PTPRD: variants seen among roughly 807,000 people sequenced by gnomAD.
PTPRD encodes receptor-type tyrosine-protein phosphatase delta.
In PTPRD, 34 loss-of-function variants were observed where a neutral mutation model predicts 214.5. The ratio of observed to expected loss-of-function variants is 0.16; its 90% CI spans 0.12 to 0.21. The LOEUF (loss-of-function observed/expected upper bound fraction) is 0.21. PTPRD is among the 10% of genes least tolerant of loss of function. PTPRD has a pLI of 1.00. For synonymous variants in PTPRD, 1,128 were observed against 845.7 expected (o/e 1.33, Z -5.79); for missense variants, 2,545 against 2,398.7 (o/e 1.06, Z -1.27).
intron 4 of PTPRD, among the ~76,000 whole-genome samples, chr9:9,947,625 AAATATATATTT>A (rs2092954675): frequency 1.4e-5 from 1 of 70,448 alleles, no homozygotes; most frequent in African/African-American, 5.6e-5. Flanking sequence ...TATATATTTT[AAATATATATTT>A]TATATATATA....
intron 8 of PTPRD, among the ~76,000 whole-genome samples, chr9:9,464,446 A>G (rs1347419282): frequency 6.6e-6 from 1 of 152,206 alleles, no homozygotes; most frequent in Non-Finnish European, 1.5e-5. Context: ...TAGAAACAAA[A>G]TTATCATTAA....
intron 8 of PTPRD, among the ~76,000 whole-genome samples, chr9:9,408,645 T>C (rs1465632129): frequency 4.6e-5 from 7 of 151,926 alleles, no homozygotes; most frequent in African/African-American, 7.2e-5. Context: ...AGAGGCATTA[T>C]ATTAAGGAAA....
At chr9:9,613,832 G>T (rs760206554) in intron 7 of PTPRD, among the ~76,000 whole-genome samples, 60 of 152,166 alleles carry the variant, frequency 3.9e-4, no homozygotes, top group Non-Finnish European at 6.9e-4. Flanking sequence ...CAGTGCTCTG[G>T]ATAACACTTC....
At chr9:8,436,508 A>T (rs2095355999) in intron 35 of PTPRD, 84 bp downstream of exon 35, 1 of 1,030,510 alleles carries the variant, frequency 9.7e-7, no homozygotes, top group South Asian at 1.4e-5. Context: ...AAAAGCACTG[A>T]TGAAGTTAAT....
At chr9:9,774,899 A>C (rs867128178) in intron 5 of PTPRD, among the ~76,000 whole-genome samples, 2 of 152,216 alleles carry the variant, frequency 1.3e-5, no homozygotes, top group Non-Finnish European at 2.9e-5. Context: ...CTGATCTTCA[A>C]AACAATCATA....
chr9:8,415,338 A>G (rs562099636), intron 35 of PTPRD, among the ~76,000 whole-genome samples: 1 of 152,222 alleles, frequency 6.6e-6, no homozygotes, highest in African/African-American at 2.4e-5. Context: ...AGGAATGTGC[A>G]GTACATAAGC....
intron 21 of PTPRD, among the ~76,000 whole-genome samples, chr9:8,516,520 C>A (rs1317270211): frequency 1.3e-5 from 2 of 151,908 alleles, no homozygotes; most frequent in Non-Finnish European, 2.9e-5. Flanking sequence ...CATATAAAGA[C>A]CATGCCATGA....
chr9:9,171,919 C>T (rs1182723492), intron 10 of PTPRD, among the ~76,000 whole-genome samples: 1 of 151,910 alleles, frequency 6.6e-6, no homozygotes, highest in Non-Finnish European at 1.5e-5. Flanking sequence ...CATTATTTAA[C>T]AAATATTATG....
intron 2 of PTPRD, among the ~76,000 whole-genome samples, chr9:10,377,374 T>C (rs925246491): frequency 6.6e-6 from 1 of 151,940 alleles, no homozygotes; most frequent in African/African-American, 2.4e-5. Context: ...ATGTGCCATG[T>C]TGGTGTGTTG....
chr9:8,647,533 A>C (rs928230224), intron 12 of PTPRD, among the ~76,000 whole-genome samples: 5 of 152,202 alleles, frequency 3.3e-5, no homozygotes, highest in African/African-American at 7.2e-5. Flanking sequence ...ATTTAAATTT[A>C]TTGTTAAACA....
At chr9:9,928,637 C>G (rs1387247920) in intron 5 of PTPRD, among the ~76,000 whole-genome samples, 4 of 151,926 alleles carry the variant, frequency 2.6e-5, no homozygotes, top group Non-Finnish European at 5.9e-5. Flanking sequence ...AGAATATTAA[C>G]TAATCTGAAT....
At chr9:10,339,379 AAAGT>A (rs1256207816) in intron 3 of PTPRD, among the ~76,000 whole-genome samples, 1 of 151,730 alleles carries the variant, frequency 6.6e-6, no homozygotes, top group African/African-American at 2.4e-5. Flanking sequence ...CTTCAAGAGA[AAAGT>A]AAGCATCCCT....
At chr9:9,830,516 T>C (rs1299612015) in intron 5 of PTPRD, among the ~76,000 whole-genome samples, 3 of 151,936 alleles carry the variant, frequency 2.0e-5, no homozygotes, top group Non-Finnish European at 4.4e-5. Context: ...AACATCTTTA[T>C]GATTTAAAAA....
chr9:8,642,865 T>C (rs1271713371), intron 12 of PTPRD, among the ~76,000 whole-genome samples: 2 of 152,170 alleles, frequency 1.3e-5, no homozygotes, highest in Non-Finnish European at 2.9e-5. Flanking sequence ...CCTGCCCAAG[T>C]CAACAGCACA....
At chr9:9,414,309 C>G (rs964900993) in intron 8 of PTPRD, among the ~76,000 whole-genome samples, 6 of 152,182 alleles carry the variant, frequency 3.9e-5, no homozygotes, top group African/African-American at 1.4e-4. Flanking sequence ...CAGGTTCTTT[C>G]TTTTCCTTCA....
intron 7 of PTPRD, among the ~76,000 whole-genome samples, chr9:9,611,348 G>T (rs1424270317): frequency 6.6e-6 from 1 of 151,452 alleles, no homozygotes; most frequent in Non-Finnish European, 1.5e-5. Flanking sequence ...AGTGAATGAA[G>T]AGCATTGATG....
At chr9:9,870,540 AATT>A (rs2065150453) in intron 5 of PTPRD, among the ~76,000 whole-genome samples, 1 of 152,012 alleles carries the variant, frequency 6.6e-6, no homozygotes, top group African/African-American at 2.4e-5. Context: ...TTGAAATAAA[AATT>A]ACACTTACAA....
chr9:8,521,627 A>G (rs1437068440), intron 19 of PTPRD, 81 bp from the exon 20 acceptor site: 2 of 1,456,904 alleles, frequency 1.4e-6, no homozygotes, highest in Non-Finnish European at 1.9e-6. Context: ...TGCACCGTAC[A>G]GACACGATTC....
At chr9:9,281,054 G>A (rs572903665) in intron 9 of PTPRD, among the ~76,000 whole-genome samples, 4 of 151,076 alleles carry the variant, frequency 2.6e-5, no homozygotes, top group South Asian at 2.1e-4. Flanking sequence ...AACTGAATAC[G>A]CACATTAAAA....
Sources: allele counts gnomAD v4.1 joint callset (sites outside exome capture counted in the v4.1 genomes callset), GRCh38; gene constraint gnomAD v4.1.1; transcripts MANE v1.5; gene names NCBI Gene and HGNC (gene_info 2026-07-23, HGNC 2026-07-21).